The following PHF14 variants were observed in gnomAD, a reference collection of about 807,000 sequenced individuals.
The protein encoded by PHF14 is PHD finger protein 14.
In PHF14, 55 loss-of-function variants were observed where a neutral mutation model predicts 117.9. The observed-to-expected ratio is 0.47, with a 90% CI of 0.38 to 0.58. The LOEUF is 0.58. Among genes scored for constraint, PHF14 ranks in the 20% least tolerant of loss-of-function variants. The probability of loss-of-function intolerance (pLI) is 0.00; values close to 1 mark genes in which losing one functional copy is unlikely to be tolerated. For missense variants in PHF14, 978 were observed against 1,122.2 expected (o/e 0.87, Z 1.84); for synonymous variants, 409 against 368.6 (o/e 1.11, Z -1.26).
intron 16 of PHF14, among the ~76,000 whole-genome samples, chr7:11,078,122 T>A (rs1164277024): frequency 6.6e-6 from 1 of 152,214 alleles, no homozygotes; most frequent in Non-Finnish European, 1.5e-5. Flanking sequence ...GAAGAGAAGC[T>A]ATCTAACCTC....
rs569234698 is a variant in PHF14, at chr7:10,987,504, T to C, written c.901-3199T>C. Among the ~76,000 whole-genome samples the C allele has an allele frequency of 1.6e-4, 24 of 152,212 alleles. No homozygotes were observed. The East Asian group carries it at 2.1e-3, about 13-fold the overall frequency. On this transcript the variant is annotated intron_variant, in intron 3 of 17. Transcript: ENST00000634607. ...TCAGTATTATCATTTTGGGGGTAAG[T>C]TTTAAATCCTGATGGAAAGAATGCA... is the stretch of plus-strand genomic sequence containing the variant.
intron 6 of PHF14, among the ~76,000 whole-genome samples, chr7:11,024,744 T>C (rs187236955): frequency 2.9e-4 from 44 of 152,338 alleles, no homozygotes; most frequent in Admixed American, 2.2e-3. Context: ...TTTCAAAAGA[T>C]TACTGCTTAT....
intron 16 of PHF14, among the ~76,000 whole-genome samples, chr7:11,110,794 A>G (rs1452258693): frequency 4.6e-5 from 7 of 152,016 alleles, no homozygotes; most frequent in Admixed American, 1.3e-4. Flanking sequence ...GCATGCTATA[A>G]ATGTTAGAAA....
intron 7 of PHF14, among the ~76,000 whole-genome samples, chr7:11,035,106 G>A (rs1784273658): frequency 6.7e-6 from 1 of 149,854 alleles, no homozygotes; most frequent in East Asian, 2.0e-4. Context: ...GATCGAAAAT[G>A]TTTGAAAAAA....
At chr7:11,164,947 C>A (rs996553729) in intron 17 of PHF14, among the ~76,000 whole-genome samples, 1 of 151,954 alleles carries the variant, frequency 6.6e-6, no homozygotes, top group African/African-American at 2.4e-5. Context: ...TTTTTTGAGA[C>A]GGAGTCTCGC....
intron 6 of PHF14, among the ~76,000 whole-genome samples, chr7:11,027,671 C>CA (rs1421300350): frequency 2.0e-4 from 30 of 152,070 alleles, no homozygotes; most frequent in African/African-American, 7.0e-4. Flanking sequence ...ATATTACTAC[C>CA]AATTTCACCT....
At chr7:11,013,052 G>A (rs117402889) in intron 4 of PHF14, among the ~76,000 whole-genome samples, 2 of 152,074 alleles carry the variant, frequency 1.3e-5, no homozygotes, top group African/African-American at 2.4e-5. Context: ...GCATGAGTTT[G>A]ATCTTTTATA....
At chr7:11,008,541 T>TG (rs970722245) in intron 4 of PHF14, among the ~76,000 whole-genome samples, 3 of 152,092 alleles carry the variant, frequency 2.0e-5, no homozygotes, top group African/African-American at 7.2e-5. Context: ...ATACTTCTTA[T>TG]GAGAATGTGA....
rs919698666 is a variant in PHF14 at position 11,130,299 on chromosome 7, A to G, written c.2772+18832A>G. Among the ~76,000 whole-genome samples, 10 of 152,028 alleles carry G rather than the reference A, an allele frequency of 6.6e-5. No individual in the cohort carries two copies. The highest frequency in any genetic ancestry group is 2.2e-4 in the African/African-American group (9 of 41,432). ...AGCCAGTAAGTGTAATGCTACCACC[A>G]TATGCTACCATACTTCCAAGACCTT... On this transcript the variant is annotated intron_variant, in intron 17 of 17. Coordinates refer to ENST00000634607, the MANE Select transcript of PHF14 (RefSeq NM_001007157.2). This position sits in a 1 kb window ranked among gnomAD's most constrained non-coding sequence, Gnocchi z 4.2.
chr7:11,026,061 G>A (rs1325861753), intron 6 of PHF14, among the ~76,000 whole-genome samples: 6 of 149,988 alleles, frequency 4.0e-5, no homozygotes, highest in South Asian at 4.3e-4. Flanking sequence ...ACAGTGAGCC[G>A]AGATTGCACC....
intron 17 of PHF14, among the ~76,000 whole-genome samples, chr7:11,153,383 G>A (rs900802396): frequency 7.2e-5 from 11 of 152,124 alleles, no homozygotes; most frequent in Admixed American, 7.2e-4. Context: ...TGAGGTATAA[G>A]TCTTTTTTAG....
At chr7:11,035,464 C>G (rs998288963) in intron 7 of PHF14, 176 bp from the exon 8 acceptor site, 1 of 370,744 alleles carries the variant, frequency 2.7e-6, no homozygotes, top group Non-Finnish European at 4.8e-6. Context: ...CATACAAGAT[C>G]AAGTTTCTAA....
chr7:11,107,255 T>C, intron 16 of PHF14: 1 of 980,326 alleles, frequency 1.0e-6, no homozygotes, highest in Non-Finnish European at 1.2e-6. Flanking sequence ...ATATGGATCA[T>C]AGCACATATG....
chr7:11,049,422 C>T (rs958200154), intron 13 of PHF14, among the ~76,000 whole-genome samples: 1 of 150,478 alleles, frequency 6.6e-6, no homozygotes, highest in Non-Finnish European at 1.5e-5. Flanking sequence ...TTGCAGTGAG[C>T]CGAGATCGTG....
At chr7:11,129,632 G>A (rs1361858627) in intron 17 of PHF14, among the ~76,000 whole-genome samples, 1 of 150,252 alleles carries the variant, frequency 6.7e-6, no homozygotes, top group African/African-American at 2.4e-5. Flanking sequence ...TCTGTTGATG[G>A]ACCTACCAAT....
chr7:11,016,530 G>T (rs980383612), intron 5 of PHF14, among the ~76,000 whole-genome samples: 2 of 151,982 alleles, frequency 1.3e-5, no homozygotes, highest in African/African-American at 4.8e-5. Flanking sequence ...ATCTTATGGA[G>T]AGTAAGACTT....
chr7:11,022,598 G>T (rs1234648137), intron 5 of PHF14, among the ~76,000 whole-genome samples: 1 of 152,126 alleles, frequency 6.6e-6, no homozygotes, highest in East Asian at 1.9e-4. Flanking sequence ...TGCAGTGAGT[G>T]AATTTTAAGT....
intron 17 of PHF14, among the ~76,000 whole-genome samples, chr7:11,145,446 G>A (rs1051417230): frequency 1.3e-5 from 2 of 152,046 alleles, no homozygotes; most frequent in Non-Finnish European, 2.9e-5. Flanking sequence ...TATATAGACT[G>A]AAAATGAGCA....
intron 16 of PHF14, among the ~76,000 whole-genome samples, chr7:11,076,571 T>TC (rs1029685267): frequency 1.0e-4 from 15 of 147,118 alleles, no homozygotes; most frequent in African/African-American, 3.2e-4. Context: ...CTTTTTCTTT[T>TC]TTTTTTTTTT....
Sources: allele counts gnomAD v4.1 joint callset (sites outside exome capture counted in the v4.1 genomes callset), GRCh38; gene constraint gnomAD v4.1.1; non-coding constraint Gnocchi (gnomAD v3.1); transcripts MANE v1.5; gene names NCBI Gene and HGNC (gene_info 2026-07-23, HGNC 2026-07-21).